Variants in AKAP13 observed in about 807,000 individuals in gnomAD.
The protein encoded by AKAP13 is A-kinase anchoring protein 13.
A neutral mutation model predicts 264.5 loss-of-function variants in AKAP13; 80 were observed. The ratio of observed to expected loss-of-function variants is 0.30; its 90% CI spans 0.25 to 0.36. The LOEUF (loss-of-function observed/expected upper bound fraction) is 0.36. Among genes scored for constraint, AKAP13 ranks in the 10% least tolerant of loss-of-function variants. The probability of loss-of-function intolerance (pLI) is 1.00; values close to 1 mark genes in which losing one functional copy is unlikely to be tolerated. For missense variants in AKAP13, 3,712 were observed against 3,435.2 expected (o/e 1.08, Z -2.01); for synonymous variants, 1,380 against 1,250.2 (o/e 1.10, Z -2.19).
intron 1 of AKAP13, among the ~76,000 whole-genome samples, chr15:85,458,372 T>A (rs1038442643): frequency 1.4e-5 from 2 of 143,930 alleles, no homozygotes; most frequent in African/African-American, 5.5e-5. Context: ...TTTTTCTCTT[T>A]TTTTGTATTT....
intron 8 of AKAP13, among the ~76,000 whole-genome samples, chr15:85,622,367 ATGAACAGTGAATACAGGGCCC>A (rs1368278496): frequency 1.3e-5 from 2 of 152,192 alleles, no homozygotes; most frequent in African/African-American, 4.8e-5. Flanking sequence ...TCTAGAAAGA[ATGAACAGTGAATACAGGGCCC>A]TGAGGAAGGA....
rs1407354729 is a variant in AKAP13, at chr15:85,442,437, T to A, written c.-11-43273T>A. Among the ~76,000 whole-genome samples, 292 of 123,010 alleles carry A rather than the reference T, an allele frequency of 2.4e-3. 4 individuals are homozygous for A. The highest frequency in any genetic ancestry group is 4.9e-3 in the Admixed American group (51 of 10,460). The allele number at this position is 123,010 out of a possible 152,430, so 80.7% of individuals were successfully genotyped here. A position where few individuals can be genotyped will look rare whatever the true frequency, so the allele number is the denominator to read the frequency against. ...AAAAAAAAAAAAATATATATATATA[T>A]AATATAAAATATACATATATAATAT... On this transcript the variant is annotated intron_variant, in intron 1 of 36. Coordinates refer to ENST00000394518, the MANE Select transcript of AKAP13 (RefSeq NM_007200.5).
chr15:85,425,893 C>T (rs1028282163), intron 1 of AKAP13, among the ~76,000 whole-genome samples: 3 of 148,492 alleles, frequency 2.0e-5, no homozygotes, highest in Non-Finnish European at 3.0e-5. Flanking sequence ...TACTCAGAAA[C>T]AAGATCGGTT....
At chr15:85,568,409 A>T (rs1274787688) in intron 5 of AKAP13, among the ~76,000 whole-genome samples, 1 of 152,218 alleles carries the variant, frequency 6.6e-6, no homozygotes, top group Non-Finnish European at 1.5e-5. Flanking sequence ...AGACCGAAAG[A>T]TGGGTGGGTT....
intron 1 of AKAP13, among the ~76,000 whole-genome samples, chr15:85,413,852 T>A (rs1049912372): frequency 3.3e-5 from 5 of 152,184 alleles, no homozygotes; most frequent in Non-Finnish European, 7.4e-5. Context: ...GACAGCTACT[T>A]TAAAATTGTC....
intron 19 of AKAP13, 88 bp downstream of exon 19, chr15:85,710,733 A>G (rs2086591775): frequency 7.1e-7 from 1 of 1,416,158 alleles, no homozygotes; most frequent in Non-Finnish European, 9.7e-7. Flanking sequence ...GTTATTATTC[A>G]TAGTCAAGAT....
chr15:85,607,788 C>A (rs2080421186), intron 8 of AKAP13, among the ~76,000 whole-genome samples: 1 of 152,210 alleles, frequency 6.6e-6, no homozygotes, highest in Admixed American at 6.5e-5. Context: ...TTAAAAATTT[C>A]CAGAACATTA....
At chr15:85,658,806 T>A (rs1301766002) in intron 12 of AKAP13, among the ~76,000 whole-genome samples, 1 of 152,238 alleles carries the variant, frequency 6.6e-6, no homozygotes, top group Non-Finnish European at 1.5e-5. Context: ...TTATCTTTTT[T>A]AAAAATTATT....
At chr15:85,476,716 C>T (rs1036830934) in intron 1 of AKAP13, among the ~76,000 whole-genome samples, 7 of 152,108 alleles carry the variant, frequency 4.6e-5, no homozygotes, top group African/African-American at 1.7e-4. Context: ...TAATTTTTAT[C>T]CTTACATTAG....
intron 8 of AKAP13, among the ~76,000 whole-genome samples, chr15:85,626,824 T>C (rs1256864626): frequency 6.6e-6 from 1 of 152,052 alleles, no homozygotes; most frequent in Non-Finnish European, 1.5e-5. Context: ...GAAACTGTCA[T>C]ACTGTTTTCC....
rs1415488233 is a variant in AKAP13 at position 85,744,047 on chromosome 15, T to G, written c.8392+222T>G. The G allele has an allele frequency of 1.6e-5, 9 of 564,232 alleles. No individual in the cohort carries two copies. The East Asian group carries it at 2.4e-4, about 15-fold the overall frequency. 35.0% of individuals were successfully genotyped at this position (564,232 alleles called of 1,614,324 possible). ...GTGTGCAGAAGCAGAGAGCATGGGT[T>G]TCATTTTCAAGGCATTATCCGATCG... On this transcript the variant is annotated intron_variant, in intron 36 of 36. Transcript: ENST00000394518.
chr15:85,721,103 T>C (rs2087253488), intron 23 of AKAP13, among the ~76,000 whole-genome samples: 1 of 152,256 alleles, frequency 6.6e-6, no homozygotes, highest in East Asian at 1.9e-4. Context: ...CATCAAACTT[T>C]GACTTGTATT....
At chr15:85,654,144 A>G (rs994683984) in intron 10 of AKAP13, among the ~76,000 whole-genome samples, 2 of 152,248 alleles carry the variant, frequency 1.3e-5, no homozygotes, top group Non-Finnish European at 2.9e-5. Flanking sequence ...GCCAGGACTG[A>G]TTATTTAATG....
At chr15:85,446,520 A>G (rs2073903267) in intron 1 of AKAP13, among the ~76,000 whole-genome samples, 1 of 152,130 alleles carries the variant, frequency 6.6e-6, no homozygotes, top group Middle Eastern at 3.2e-3. Context: ...TAGGTTATGG[A>G]GCTTAGAAAA....
chr15:85,428,074 TC>T (rs1449582690), intron 1 of AKAP13, among the ~76,000 whole-genome samples: 1 of 152,180 alleles, frequency 6.6e-6, no homozygotes, highest in African/African-American at 2.4e-5. Context: ...CAAGTGTTCT[TC>T]CTGGCCACAT....
chr15:85,575,563 G>T (rs1192895005), intron 6 of AKAP13, among the ~76,000 whole-genome samples: 1 of 152,058 alleles, frequency 6.6e-6, no homozygotes, highest in Non-Finnish European at 1.5e-5. Context: ...CTGGTGGCGG[G>T]CGCCTGTAGT....
At chr15:85,620,514 G>GC in intron 8 of AKAP13, among the ~76,000 whole-genome samples, 1 of 150,946 alleles carries the variant, frequency 6.6e-6, no homozygotes, top group South Asian at 2.1e-4. Context: ...TCACCCCTCC[G>GC]CCCCCAGACT....
intron 9 of AKAP13, among the ~76,000 whole-genome samples, chr15:85,643,616 T>C (rs752680408): frequency 5.3e-5 from 8 of 152,216 alleles, no homozygotes; most frequent in Non-Finnish European, 1.2e-4. Context: ...TTCTGTAATA[T>C]CTTGACATAG....
In AKAP13 at chr15:85,748,532, G is replaced by C. The variant is rs920522040; in HGVS notation, c.*3855G>C. ...GAAGAGGGCAGGGAGTTTGGGCTTG[G>C]TTTTGAACTTTCCTTTCAATGTAGC... On this transcript the variant is annotated 3_prime_UTR_variant, in exon 37 of 37. Transcript: ENST00000394518. 6.6e-6 allele frequency: 1 copy of C among 152,198 alleles called. No homozygotes were observed. Among genetic ancestry groups the C allele is most frequent in the Non-Finnish European group, 1.5e-5 (1 of 68,068 alleles). The allele number at this position is 152,198 out of a possible 1,614,324, so 9.4% of individuals were successfully genotyped here. A position where few individuals can be genotyped will look rare whatever the true frequency, so the allele number is the denominator to read the frequency against.
Sources: allele counts gnomAD v4.1 joint callset (sites outside exome capture counted in the v4.1 genomes callset), GRCh38; gene constraint gnomAD v4.1.1; transcripts MANE v1.5; gene names NCBI Gene and HGNC (gene_info 2026-07-23, HGNC 2026-07-21).